Variants in SLCO1A2 observed in about 807,000 individuals in gnomAD.
SLCO1A2 encodes the protein OATP-1.
In SLCO1A2, 67 loss-of-function variants were observed where a neutral mutation model predicts 69.0. That is an observed-to-expected ratio of 0.97 (90% CI 0.80 to 1.19). The LOEUF (loss-of-function observed/expected upper bound fraction) is 1.19. SLCO1A2 is among the 50% of genes most tolerant of loss of function. SLCO1A2 has a pLI of 0.00. For synonymous variants in SLCO1A2, 260 were observed against 265.9 expected, an observed-to-expected ratio of 0.98 and a Z score of 0.22; for missense variants, 787 against 793.7, an observed-to-expected ratio of 0.99 and a Z score of 0.10.
In SLCO1A2 at chr12:21,267,106, A is replaced by C. The variant is rs190790494; in HGVS notation, c.*2442T>G. On this transcript the variant is annotated 3_prime_UTR_variant, in exon 15 of 15. Transcript: ENST00000683939. Reference sequence around the variant, plus strand: ...CAGGCTTCATGTATACCAACAAAAGAGGTCATGAGGGATCCCAAAGCACTC... The same window carrying C: ...CAGGCTTCATGTATACCAACAAAAGCGGTCATGAGGGATCCCAAAGCACTC... 2 of 152,240 alleles carry C rather than the reference A, an allele frequency of 1.3e-5. No individual in the cohort carries two copies. Among genetic ancestry groups the C allele is most frequent in the South Asian group, 2.1e-4 (1 of 4,832 alleles). The allele number at this position is 152,240 out of a possible 1,614,324, so 9.4% of individuals were successfully genotyped here. A position where few individuals can be genotyped will look rare whatever the true frequency, so the allele number is the denominator to read the frequency against.
At position 21,300,452 on chromosome 12, in the gene SLCO1A2, GT is replaced by G. The variant is rs1419986195; in HGVS notation, c.805del (p.Thr269HisfsTer7). 6.2e-7 allele frequency: 1 copy of G among 1,613,378 alleles called. No individual in the cohort carries two copies. Among genetic ancestry groups the G allele is most frequent in the Non-Finnish European group, 8.5e-7 (1 of 1,179,682 alleles). Reference protein sequence around the residue: ...TAIPFFFLPNTLPKEGLETNA... With the variant: ...TAIPFFFLPNXLPKEGLETNA... The stretch of plus-strand genomic sequence containing the variant: ...AGTCTCTAGTCCTTCCTTTGGAAGT[GT>G]GTTGGGCAAAAAGAAAAAAGGAATG... On this transcript the variant is annotated frameshift_variant, in exon 8 of 15. Transcript: ENST00000683939. LOFTEE classifies it high-confidence loss of function.
chr12:21,340,944 T>G (rs991179128), intron 2 of SLCO1A2, among the ~76,000 whole-genome samples: 1 of 151,946 alleles, frequency 6.6e-6, no homozygotes, highest in Non-Finnish European at 1.5e-5. Flanking sequence ...CAATTAGAGA[T>G]AATAATAAAA....
chr12:21,300,202 G>A (rs1413184128), intron 8 of SLCO1A2, 146 bp downstream of exon 8: 2 of 516,454 alleles, frequency 3.9e-6, no homozygotes, highest in Non-Finnish European at 6.7e-6. Context: ...AGGAAGAATC[G>A]GACTAGTTAG....
intron 1 of SLCO1A2, among the ~76,000 whole-genome samples, chr12:21,410,072 A>C (rs1193354159): frequency 2.6e-5 from 4 of 152,126 alleles, no homozygotes; most frequent in Non-Finnish European, 5.9e-5. Flanking sequence ...GTTCTTTTTC[A>C]GGCATGGTAT....
At chr12:21,368,566 T>G (rs1939559569) in intron 2 of SLCO1A2, among the ~76,000 whole-genome samples, 1 of 152,110 alleles carries the variant, frequency 6.6e-6, no homozygotes, top group Non-Finnish European at 1.5e-5. Context: ...GGATAATGGT[T>G]TCAGAGCTAT....
chr12:21,395,229 G>A (rs1359305503), exon 1 of SLCO1A2: 1 of 153,000 alleles, frequency 6.5e-6, no homozygotes, highest in Non-Finnish European at 1.5e-5. Context: ...AGGGGTCAGG[G>A]AGTTCCCTTT....
intron 2 of SLCO1A2, among the ~76,000 whole-genome samples, chr12:21,325,842 T>C (rs1952182487): frequency 6.6e-6 from 1 of 152,210 alleles, no homozygotes; most frequent in Non-Finnish European, 1.5e-5. Context: ...CAGTGTTTTA[T>C]TAAGCATCTG....
At chr12:21,347,707 A>G (rs75468866) in intron 2 of SLCO1A2, among the ~76,000 whole-genome samples, 17 of 64,578 alleles carry the variant, frequency 2.6e-4, no homozygotes, top group South Asian at 5.5e-4. Flanking sequence ...GAAGAAGGAA[A>G]AAAGGAAGGA....
intron 1 of SLCO1A2, among the ~76,000 whole-genome samples, chr12:21,407,366 A>T (rs989987790): frequency 6.6e-6 from 1 of 152,164 alleles, no homozygotes; most frequent in African/African-American, 2.4e-5. Context: ...GAGGAACAAG[A>T]TGCAGTTGGA....
chr12:21,304,692 T>A (rs1316698825), intron 5 of SLCO1A2, 119 bp from the exon 6 acceptor site: 3 of 944,548 alleles, frequency 3.2e-6, no homozygotes, highest in Non-Finnish European at 4.7e-6. Flanking sequence ...TGTCAATGAT[T>A]TATATTACTA....
At chr12:21,414,486 T>A (rs1941960299) in intron 1 of SLCO1A2, among the ~76,000 whole-genome samples, 1 of 152,156 alleles carries the variant, frequency 6.6e-6, no homozygotes. Context: ...TGTTTTGCCA[T>A]TAACCAACTT....
intron 1 of SLCO1A2, among the ~76,000 whole-genome samples, chr12:21,407,198 A>G (rs530994811): frequency 6.6e-6 from 1 of 152,266 alleles, no homozygotes; most frequent in African/African-American, 2.4e-5. Flanking sequence ...AATTCAAAGC[A>G]TAAGAAGGAA....
rs200314219 is a variant in SLCO1A2, at chr12:21,408,707, C to T, written c.-312+9175G>A. Among the ~76,000 whole-genome samples the T allele has an allele frequency of 2.4e-4, 28 of 118,390 alleles. No homozygotes were observed. In the East Asian group the frequency reaches 3.8e-3, roughly 16 times the overall value. The allele number at this position is 118,390 out of a possible 152,430, so 77.7% of individuals were successfully genotyped here. A position where few individuals can be genotyped will look rare whatever the true frequency, so the allele number is the denominator to read the frequency against. On this transcript the variant is annotated intron_variant, in intron 1 of 4. Coordinates refer to the SLCO1A2 transcript ENST00000413682. ...CTATGAAGATGTTTGGCTGCCTCAG[C>T]GCATGCGTGTGTGTGTGTGTGTGTG...
intron 12 of SLCO1A2, among the ~76,000 whole-genome samples, chr12:21,278,474 G>T (rs1038546840): frequency 2.0e-5 from 3 of 152,158 alleles, no homozygotes; most frequent in Admixed American, 6.5e-5. Context: ...ACCCAGCACA[G>T]TCCCAGTGGT....
At chr12:21,329,937 T>C (rs1952498324) in intron 2 of SLCO1A2, among the ~76,000 whole-genome samples, 1 of 151,802 alleles carries the variant, frequency 6.6e-6, no homozygotes, top group African/African-American at 2.4e-5. Context: ...AATTTTGAGA[T>C]TAAATTTACC....
At chr12:21,354,966 C>T (rs1938247298) in intron 2 of SLCO1A2, 1 of 152,112 alleles carries the variant, frequency 6.6e-6, no homozygotes. Flanking sequence ...CAAAGCTTTG[C>T]ACATCTCCAG....
At chr12:21,340,140 C>A (rs984471769) in intron 2 of SLCO1A2, among the ~76,000 whole-genome samples, 2 of 151,962 alleles carry the variant, frequency 1.3e-5, no homozygotes, top group African/African-American at 4.8e-5. Context: ...CATATGCAGG[C>A]ATTGCAATTT....
intron 12 of SLCO1A2, among the ~76,000 whole-genome samples, chr12:21,285,828 T>G (rs1014945408): frequency 6.6e-6 from 1 of 152,070 alleles, no homozygotes; most frequent in Non-Finnish European, 1.5e-5. Context: ...CTAAAAACTC[T>G]CAATAAATTA....
rs1229371074 is a variant in SLCO1A2, at chr12:21,266,909, T to C, written c.*2639A>G. On this transcript the variant is annotated 3_prime_UTR_variant, in exon 15 of 15. Transcript: ENST00000683939. ...AATATATTAAACCACTATTTCTAGT[T>C]TCATTAACTTTATGTATTAAGTAAG... 2 of 152,098 alleles carry C rather than the reference T, an allele frequency of 1.3e-5. No individual in the cohort carries two copies. Among genetic ancestry groups the C allele is most frequent in the African/African-American group, 4.8e-5 (2 of 41,392 alleles). 9.4% of individuals were successfully genotyped at this position (152,098 alleles called of 1,614,324 possible). A position where few individuals can be genotyped will look rare whatever the true frequency, so the allele number is the denominator to read the frequency against.
Sources: allele counts gnomAD v4.1 joint callset (sites outside exome capture counted in the v4.1 genomes callset), GRCh38; gene constraint gnomAD v4.1.1; transcripts MANE v1.5; gene names NCBI Gene and HGNC (gene_info 2026-07-23, HGNC 2026-07-21).